Variants in MAP3K15 observed in about 807,000 individuals in gnomAD.
MAP3K15 encodes the protein mitogen-activated protein kinase kinase kinase 15.
A neutral mutation model predicts 99.5 loss-of-function variants in MAP3K15; 124 were observed. The ratio of observed to expected loss-of-function variants is 1.25; its 90% CI spans 1.08 to 1.45. The LOEUF (loss-of-function observed/expected upper bound fraction) is 1.45. Among genes scored for constraint, MAP3K15 ranks in the 40% most tolerant of loss-of-function variants. The pLI, the probability that MAP3K15 is intolerant of heterozygous loss-of-function variation, is 0.00. For synonymous variants in MAP3K15, 494 were observed against 439.6 expected, an observed-to-expected ratio of 1.12 and a Z score of -1.55; for missense variants, 1,242 against 1,079.7, an observed-to-expected ratio of 1.15 and a Z score of -2.11.
At chrX:19,496,049 G>C (rs2147414377) in intron 1 of MAP3K15, among the ~76,000 whole-genome samples, 1 of 105,666 alleles carries the variant, frequency 9.5e-6, no homozygotes, top group South Asian at 4.1e-4. Flanking sequence ...CTGGCAGCCA[G>C]TGAACACATC....
chrX:19,439,000 C>T (rs750727905), intron 6 of MAP3K15, among the ~76,000 whole-genome samples: 1 of 111,924 alleles, frequency 8.9e-6, no homozygotes, highest in South Asian at 3.8e-4. Flanking sequence ...GAGTTTGAGA[C>T]CAGTCTGGCC....
At chrX:19,473,022 C>G (rs1488969480) in intron 3 of MAP3K15, among the ~76,000 whole-genome samples, 1 of 111,843 alleles carries the variant, frequency 8.9e-6, no homozygotes, top group East Asian at 2.8e-4. Context: ...TGAAGTCTAC[C>G]CCCCAGTCAG....
intron 9 of MAP3K15, among the ~76,000 whole-genome samples, chrX:19,418,867 G>C (rs1213611100): frequency 2.4e-4 from 27 of 112,033 alleles, no homozygotes; most frequent in African/African-American, 7.1e-4. Context: ...AGCCAGAAGA[G>C]AGTGGGGGCC....
intron 3 of MAP3K15, among the ~76,000 whole-genome samples, chrX:19,471,577 T>A (rs2064208140): frequency 1.8e-5 from 2 of 111,238 alleles, no homozygotes; most frequent in Admixed American, 9.6e-5. Flanking sequence ...TATCATTTTT[T>A]AAAAAATTAA....
In MAP3K15 at chrX:19,460,069, A is replaced by G; in HGVS notation, c.804T>C (p.Ala268=). 1 of 1,196,725 alleles carries G rather than the reference A, an allele frequency of 8.4e-7. No individual in the cohort carries two copies. Among genetic ancestry groups the G allele is most frequent in the Non-Finnish European group, 1.1e-6 (1 of 892,743 alleles). The change falls in exon 5 of 29, where the codon GCT becomes GCC. Residue 268 remains alanine, a synonymous_variant. Coordinates refer to ENST00000338883, the MANE Select transcript of MAP3K15 (RefSeq NM_001001671.4). ...TATTATCCATGCGGAGCTTGATCCGAGCTAGCTCCTTCGCCAGTTCCTCAC... is the reference window on the plus strand; with the variant it reads ...TATTATCCATGCGGAGCTTGATCCGGGCTAGCTCCTTCGCCAGTTCCTCAC... ...YQGEELAKEL[A]RIKLRMDNTE...
At chrX:19,502,170 T>G (rs1486895723) in intron 1 of MAP3K15, among the ~76,000 whole-genome samples, 1 of 105,712 alleles carries the variant, frequency 9.5e-6, no homozygotes, top group Non-Finnish European at 1.9e-5. Flanking sequence ...CAGGCTCCCT[T>G]GAAGAACTTG....
intron 6 of MAP3K15, among the ~76,000 whole-genome samples, chrX:19,446,932 T>C (rs148056472): frequency 0.016 from 1,750 of 111,353 alleles, 12 homozygotes; most frequent in Non-Finnish European, 0.025. Context: ...GATTTATTGA[T>C]TGAGACAGGG....
At position 19,392,548 on chromosome X, in the gene MAP3K15, G is replaced by A. The variant is rs1022333578; in HGVS notation, c.2195-75C>T. On this transcript the variant is annotated intron_variant, in intron 16 of 28. Coordinates refer to ENST00000338883, the MANE Select transcript of MAP3K15 (RefSeq NM_001001671.4). ...AAAGTTCAGGGAAATAAAGTGAGGT[G>A]AGGTTTCTAACCTAACCTAAGTGCT... is the stretch of plus-strand genomic sequence containing the variant. 2.4e-5 allele frequency: 26 copies of A among 1,064,803 alleles called. No homozygotes were observed. The South Asian group carries it at 3.1e-4, about 13-fold the overall frequency. 87.8% of individuals were successfully genotyped at this position (1,064,803 alleles called of 1,213,427 possible). A position where few individuals can be genotyped will look rare whatever the true frequency, so the allele number is the denominator to read the frequency against.
rs150335799 is a variant in MAP3K15 at position 19,409,990 on chromosome X, A to C, written c.1699-17T>G. 5.2e-4 allele frequency: 614 copies of C among 1,184,663 alleles called. 2 individuals carry two copies. The African/African-American group carries it at 9.7e-3, about 19-fold the overall frequency. On this transcript the variant is annotated splice_polypyrimidine_tract_variant and intron_variant, in intron 11 of 28. Transcript: ENST00000338883. ...CATCTGTTTCTGCAAGTTATCAAAG[A>C]CAGAAGTCAATAGTTTGAGTTTTTT...
intron 19 of MAP3K15, chrX:19,376,801 A>C (rs983801677): frequency 9.1e-6 from 1 of 110,471 alleles, no homozygotes; most frequent in Non-Finnish European, 1.9e-5. Flanking sequence ...TGGTGTTTGC[A>C]GCTAGTTGAT....
At chrX:19,446,905 T>C (rs1484899503) in intron 6 of MAP3K15, among the ~76,000 whole-genome samples, 2 of 111,214 alleles carry the variant, frequency 1.8e-5, no homozygotes, top group African/African-American at 6.5e-5. Flanking sequence ...TTAGGTAATT[T>C]ATTTTTTAAA....
At chrX:19,496,101 C>G (rs1363232164) in intron 1 of MAP3K15, among the ~76,000 whole-genome samples, 2 of 100,609 alleles carry the variant, frequency 2.0e-5, no homozygotes, top group Non-Finnish European at 4.0e-5. Context: ...GAGTCTTGCT[C>G]TGTTGCCCAG....
chrX:19,391,701 G>GA (rs2063529215), intron 18 of MAP3K15, among the ~76,000 whole-genome samples: 2 of 95,467 alleles, frequency 2.1e-5, no homozygotes, highest in African/African-American at 7.8e-5. Flanking sequence ...AAAAAAGAAA[G>GA]AAAAAAAGAA....
At chrX:19,429,611 G>A (rs181780168) in intron 7 of MAP3K15, among the ~76,000 whole-genome samples, 17 of 109,678 alleles carry the variant, frequency 1.5e-4, no homozygotes, top group African/African-American at 5.0e-4. Context: ...GTGGACAAAG[G>A]GGGGGAGGTG....
At chrX:19,482,432 T>G (rs1389923020) in intron 3 of MAP3K15, among the ~76,000 whole-genome samples, 3 of 112,031 alleles carry the variant, frequency 2.7e-5, no homozygotes, top group African/African-American at 9.8e-5. Context: ...GATCCATGCA[T>G]CCATGATCCT....
At chrX:19,453,834 C>T (rs988431811) in intron 6 of MAP3K15, among the ~76,000 whole-genome samples, 1 of 111,844 alleles carries the variant, frequency 8.9e-6, no homozygotes, top group African/African-American at 3.3e-5. Context: ...CTACTTATAT[C>T]CACATGGAAA....
At chrX:19,393,698 G>T (rs752684694) in intron 16 of MAP3K15, among the ~76,000 whole-genome samples, 1 of 107,442 alleles carries the variant, frequency 9.3e-6, no homozygotes, top group African/African-American at 3.4e-5. Context: ...CCAACTTAAG[G>T]GAAAGACAAA....
In MAP3K15 at chrX:19,371,319, T is replaced by C; in HGVS notation, c.3294+26A>G. 9.2e-6 allele frequency: 11 copies of C among 1,191,099 alleles called. No individual in the cohort carries two copies. In the South Asian group the frequency reaches 2.0e-4, roughly 21 times the overall value. On this transcript the variant is annotated intron_variant, in intron 23 of 28. Coordinates refer to ENST00000338883, the MANE Select transcript of MAP3K15 (RefSeq NM_001001671.4). ...AACTGAATTCCAAGATCTGGTGTGT[T>C]CCCTAGGGCCAGATGGAGCACTTAC...
chrX:19,417,582 G>A (rs1254193288), intron 9 of MAP3K15, among the ~76,000 whole-genome samples: 1 of 111,953 alleles, frequency 8.9e-6, no homozygotes, highest in African/African-American at 3.2e-5. Flanking sequence ...AGCTCAAGGA[G>A]GCCTGCCTGC....
Sources: allele counts gnomAD v4.1 joint callset (sites outside exome capture counted in the v4.1 genomes callset), GRCh38; gene constraint gnomAD v4.1.1; transcripts MANE v1.5; gene names NCBI Gene and HGNC (gene_info 2026-07-23, HGNC 2026-07-21).